The following DNM2 variants were observed in gnomAD, a reference collection of about 807,000 sequenced individuals.
DNM2 encodes dynamin 2.
A neutral mutation model predicts 99.0 loss-of-function variants in DNM2; 15 were observed. That is an observed-to-expected ratio of 0.15 (90% confidence interval 0.10 to 0.23). The LOEUF (loss-of-function observed/expected upper bound fraction) is 0.23, where lower values mean the gene tolerates loss of function less well. Among genes scored for constraint, DNM2 ranks in the 10% least tolerant of loss-of-function variants. DNM2 has a pLI of 1.00. For synonymous variants in DNM2, 525 were observed against 481.2 expected (o/e 1.09, Z -1.19); for missense variants, 742 against 1,189.4 (o/e 0.62, Z 5.53).
At position 10,796,343 on chromosome 19, in the gene DNM2, C is replaced by A; in HGVS notation, c.1196+904C>A. On this transcript the variant is annotated intron_variant, in intron 9 of 20. Coordinates refer to ENST00000389253, the MANE Select transcript of DNM2 (RefSeq NM_001005361.3). This position sits in a 1 kb window ranked among gnomAD's most constrained non-coding sequence, Gnocchi z 5.6. ...TGTGTCCGTGAACTTGGCCTCTCCCCAGAGGCTGGGGCAGGAGCATGTAGG... is the reference window on the plus strand; with the variant it reads ...TGTGTCCGTGAACTTGGCCTCTCCCAAGAGGCTGGGGCAGGAGCATGTAGG... 8 of 1,287,960 alleles carry A rather than the reference C, an allele frequency of 6.2e-6. No individual in the cohort carries two copies. The highest frequency in any genetic ancestry group is 6.6e-6 in the Non-Finnish European group (6 of 908,364). The allele number at this position is 1,287,960 out of a possible 1,614,324, so 79.8% of individuals were successfully genotyped here. A position where few individuals can be genotyped will look rare whatever the true frequency, so the allele number is the denominator to read the frequency against.
Position 10,743,301 on chromosome 19 carries a change from C to T in DNM2, c.162-16437C>T, listed in dbSNP as rs145778785. On this transcript the variant is annotated intron_variant, in intron 1 of 20. Transcript: ENST00000389253. ...GAGGCAGGGCAGTGAACAAGACAGA[C>T]GAGATCCCTGTCCTGTGGAGCTGAT... Among the ~76,000 whole-genome samples, 1,261 of 152,126 alleles carry T rather than the reference C, an allele frequency of 8.3e-3. 13 individuals are homozygous for T. Among genetic ancestry groups the T allele is most frequent in the South Asian group, 0.03 (144 of 4,816 alleles).
chr19:10,782,837 TA>T, intron 5 of DNM2, 122 bp from the exon 6 acceptor site: 1 of 1,346,988 alleles, frequency 7.4e-7, no homozygotes, highest in South Asian at 1.2e-5. Flanking sequence ...AGTAACATGT[TA>T]TGACAGCTGT....
chr19:10,795,792 C>A lies in DNM2; in HGVS notation c.1196+353C>A. On this transcript the variant is annotated intron_variant, in intron 9 of 20. Coordinates refer to ENST00000389253, the MANE Select transcript of DNM2 (RefSeq NM_001005361.3). This position sits in a 1 kb window ranked among gnomAD's most constrained non-coding sequence, Gnocchi z 4.2. ...CTGAATCAGGGTTTTGGGAAGCCAGCATGAGTCCCCATCATGGCTTCCTCG... is the reference window on the plus strand; with the variant it reads ...CTGAATCAGGGTTTTGGGAAGCCAGAATGAGTCCCCATCATGGCTTCCTCG... 1.7e-6 allele frequency: 1 copy of A among 595,634 alleles called. No homozygotes were observed. The allele number at this position is 595,634 out of a possible 1,614,324, so 36.9% of individuals were successfully genotyped here. A position where few individuals can be genotyped will look rare whatever the true frequency, so the allele number is the denominator to read the frequency against.
chr19:10,778,511 G>A (rs1223064742), intron 5 of DNM2, among the ~76,000 whole-genome samples: 1 of 152,076 alleles, frequency 6.6e-6, no homozygotes, highest in African/African-American at 2.4e-5. Flanking sequence ...AGTTAGCTGG[G>A]CATGGTGGCA....
At chr19:10,819,504 C>T (rs988357703) in intron 15 of DNM2, among the ~76,000 whole-genome samples, 3 of 152,138 alleles carry the variant, frequency 2.0e-5, no homozygotes, top group Admixed American at 6.6e-5. Flanking sequence ...TTGTGCGTGC[C>T]GTCAGCCACA....
chr19:10,796,803 T>C lies in DNM2; in HGVS notation c.1197-577T>C, dbSNP rs2071951248. Among the ~76,000 whole-genome samples, 1 of 152,000 alleles carries C rather than the reference T, an allele frequency of 6.6e-6. No individual in the cohort carries two copies. Among genetic ancestry groups the C allele is most frequent in the Non-Finnish European group, 1.5e-5 (1 of 68,004 alleles). ...TATGCGCTCTCGACGAGCCACTGCC[T>C]CCACTCAGCAGGACGCGCCGGGCTC... On this transcript the variant is annotated intron_variant, in intron 9 of 20. Coordinates refer to ENST00000389253, the MANE Select transcript of DNM2 (RefSeq NM_001005361.3). This position sits in a 1 kb window ranked among gnomAD's most constrained non-coding sequence, Gnocchi z 5.6.
chr19:10,792,766 C>T (rs1307611163), intron 7 of DNM2, among the ~76,000 whole-genome samples: 1 of 152,062 alleles, frequency 6.6e-6, no homozygotes, highest in Non-Finnish European at 1.5e-5. Context: ...CACCACCACA[C>T]CCAGCTCGTT....
chr19:10,742,659 G>A (rs2069797902), intron 1 of DNM2, among the ~76,000 whole-genome samples: 1 of 152,134 alleles, frequency 6.6e-6, no homozygotes, highest in Admixed American at 6.6e-5. Context: ...CTTTCCTTGT[G>A]TGCCCCTGGA....
At chr19:10,813,717 T>G (rs2146118689) in intron 15 of DNM2, among the ~76,000 whole-genome samples, 1 of 151,752 alleles carries the variant, frequency 6.6e-6, no homozygotes, top group South Asian at 2.1e-4. Context: ...TCCCAGCTAC[T>G]CAGGAGGCTG....
At chr19:10,726,151 G>A (rs1358963047) in intron 1 of DNM2, among the ~76,000 whole-genome samples, 1 of 151,538 alleles carries the variant, frequency 6.6e-6, no homozygotes, top group Non-Finnish European at 1.5e-5. Context: ...CCTGGGAGGC[G>A]GAGGTTGCAG....
At chr19:10,808,689 A>G (rs1295461679) in intron 14 of DNM2, 109 bp downstream of exon 14, 1 of 1,391,020 alleles carries the variant, frequency 7.2e-7, no homozygotes, top group African/African-American at 1.4e-5. Flanking sequence ...TAACAAAAAT[A>G]CTAAAAATCG....
At chr19:10,755,171 A>C (rs540391769) in intron 1 of DNM2, 1 of 152,332 alleles carries the variant, frequency 6.6e-6, no homozygotes, top group East Asian at 1.9e-4. Flanking sequence ...GAAGACCCCA[A>C]ATGTCCATCC....
intron 18 of DNM2, 61 bp downstream of exon 18, chr19:10,825,282 C>A: frequency 6.2e-7 from 1 of 1,604,464 alleles, no homozygotes; most frequent in South Asian, 1.1e-5. Flanking sequence ...CGCCTGTAAT[C>A]CCAGCACTTT....
intron 1 of DNM2, among the ~76,000 whole-genome samples, chr19:10,741,191 T>G (rs924124875): frequency 6.6e-6 from 1 of 152,186 alleles, no homozygotes; most frequent in Non-Finnish European, 1.5e-5. Flanking sequence ...CCATCCATGA[T>G]TGAAAGTGGG....
At chr19:10,794,870 GTGTCA>G (rs2071880937) in intron 8 of DNM2, among the ~76,000 whole-genome samples, 2 of 152,288 alleles carry the variant, frequency 1.3e-5, no homozygotes, top group South Asian at 2.1e-4. Context: ...GAGAGAGTTG[GTGTCA>G]TGTCATGCTT....
chr19:10,745,993 C>T (rs1018096741), intron 1 of DNM2, among the ~76,000 whole-genome samples: 5 of 152,236 alleles, frequency 3.3e-5, no homozygotes, highest in African/African-American at 1.2e-4. Context: ...CGGAGTCTCA[C>T]TCTGACCTAT....
chr19:10,748,073 A>G (rs2070056874), intron 1 of DNM2, among the ~76,000 whole-genome samples: 1 of 152,134 alleles, frequency 6.6e-6, no homozygotes, highest in African/African-American at 2.4e-5. Flanking sequence ...CAGGAAGGTG[A>G]CAGGACAGGT....
At chr19:10,718,603 G>T (rs2068831207) in intron 1 of DNM2, 200 bp downstream of exon 1, 1 of 790,008 alleles carries the variant, frequency 1.3e-6, no homozygotes, top group East Asian at 4.1e-5. Context: ...GCAGGCCCGG[G>T]CCCCAGGGGC....
At chr19:10,793,095 A>G (rs1009628904) in intron 7 of DNM2, among the ~76,000 whole-genome samples, 1 of 152,184 alleles carries the variant, frequency 6.6e-6, no homozygotes, top group African/African-American at 2.4e-5. Flanking sequence ...AATTACCATT[A>G]GTGGCAGCAT....
Sources: allele counts gnomAD v4.1 joint callset (sites outside exome capture counted in the v4.1 genomes callset), GRCh38; gene constraint gnomAD v4.1.1; non-coding constraint Gnocchi (gnomAD v3.1); transcripts MANE v1.5; gene names NCBI Gene and HGNC (gene_info 2026-07-23, HGNC 2026-07-21).